FEZ2: variants seen among roughly 807,000 people sequenced by gnomAD.
FEZ2 encodes fasciculation and elongation protein zeta-2.
Under a neutral mutation model 40.4 loss-of-function variants are expected in FEZ2, and 51 were observed. That is an observed-to-expected ratio of 1.26 (90% CI 1.01 to 1.59). The LOEUF is 1.59. FEZ2 is among the 40% of genes most tolerant of loss of function. FEZ2 has a pLI of 0.00. For synonymous variants in FEZ2, 242 were observed against 172.0 expected (o/e 1.41, Z -3.18); for missense variants, 640 against 438.3 (o/e 1.46, Z -4.11).
At chr2:36,554,139 G>T (rs1374836566) in intron 7 of FEZ2, 1 of 453,092 alleles carries the variant, frequency 2.2e-6, no homozygotes, top group East Asian at 7.1e-5. Flanking sequence ...CTCATCAGAA[G>T]CAGGTACAGT....
chr2:36,552,449 A>G lies in FEZ2; in HGVS notation c.*714T>C, dbSNP rs1667837421. ...CAGTGTACACTTTCTCAAGCACCTC[A>G]GAGGACACACACTTAAAGTACAATT... is the stretch of plus-strand genomic sequence containing the variant. On this transcript the variant is annotated 3_prime_UTR_variant, in exon 8 of 8. Transcript: ENST00000405912. 1 of 310,348 alleles carries G rather than the reference A, an allele frequency of 3.2e-6. No individual in the cohort carries two copies. The highest frequency in any genetic ancestry group is 6.1e-6 in the Non-Finnish European group (1 of 163,204). The allele number at this position is 310,348 out of a possible 1,614,324, so 19.2% of individuals were successfully genotyped here. A position where few individuals can be genotyped will look rare whatever the true frequency, so the allele number is the denominator to read the frequency against.
chr2:36,566,721 T>C (rs1241151920), intron 5 of FEZ2, among the ~76,000 whole-genome samples: 6 of 152,218 alleles, frequency 3.9e-5, no homozygotes, highest in Non-Finnish European at 5.9e-5. Context: ...AGAAAAGTGC[T>C]GAATTAGAAA....
At chr2:36,571,477 T>C (rs944453892) in intron 5 of FEZ2, among the ~76,000 whole-genome samples, 4 of 147,772 alleles carry the variant, frequency 2.7e-5, no homozygotes, top group Non-Finnish European at 1.5e-5. Flanking sequence ...CCTGGCCAAC[T>C]TGGTGAAACC....
chr2:36,586,112 G>A (rs780264675), intron 2 of FEZ2, among the ~76,000 whole-genome samples: 5 of 152,096 alleles, frequency 3.3e-5, no homozygotes, highest in Non-Finnish European at 7.4e-5. Context: ...GGCTCTTGAT[G>A]AGAGGGGATG....
At chr2:36,559,588 G>A (rs940047986) in intron 5 of FEZ2, among the ~76,000 whole-genome samples, 1 of 152,214 alleles carries the variant, frequency 6.6e-6, no homozygotes, top group African/African-American at 2.4e-5. Flanking sequence ...TCTTTTTGAC[G>A]TAGACTTCTT....
intron 4 of FEZ2, 31 bp from the exon 5 acceptor site, chr2:36,578,896 T>G (rs1668655768): frequency 2.5e-6 from 4 of 1,581,132 alleles, no homozygotes; most frequent in Admixed American, 1.9e-5. Flanking sequence ...CAGCAGATAT[T>G]AAGACAAAAA....
intron 1 of FEZ2, chr2:36,594,608 CT>C (rs1487097281): frequency 6.5e-6 from 1 of 153,468 alleles, no homozygotes; most frequent in African/African-American, 2.4e-5. Context: ...TTACCTCCCC[CT>C]GGATCCCTCC....
intron 6 of FEZ2, chr2:36,558,120 T>C (rs1293722511): frequency 5.6e-6 from 1 of 178,222 alleles, no homozygotes; most frequent in Non-Finnish European, 1.2e-5. Flanking sequence ...CATAAGGAAT[T>C]TTATTTATGA....
At chr2:36,595,450 C>A (rs1669188390) in intron 1 of FEZ2, among the ~76,000 whole-genome samples, 1 of 152,086 alleles carries the variant, frequency 6.6e-6, no homozygotes, top group Non-Finnish European at 1.5e-5. Context: ...GGTTCACGCT[C>A]CTATGAGAAT....
At chr2:36,555,478 G>C (rs1667933734) in intron 7 of FEZ2, 2 of 375,912 alleles carry the variant, frequency 5.3e-6, no homozygotes, top group Non-Finnish European at 9.6e-6. Context: ...TTCCAACCCA[G>C]AACCTCCAAT....
chr2:36,559,557 G>C (rs778826507), intron 5 of FEZ2, among the ~76,000 whole-genome samples: 1 of 152,228 alleles, frequency 6.6e-6, no homozygotes, highest in Admixed American at 6.5e-5. Flanking sequence ...CAATCTCTGA[G>C]ACACGTTAAG....
chr2:36,560,248 C>T (rs1053511250), intron 5 of FEZ2, among the ~76,000 whole-genome samples: 3 of 152,136 alleles, frequency 2.0e-5, no homozygotes, highest in Non-Finnish European at 4.4e-5. Context: ...TAAATAATGT[C>T]GCATGCCTCG....
intron 2 of FEZ2, among the ~76,000 whole-genome samples, chr2:36,587,759 CCA>C (rs2125240014): frequency 6.6e-6 from 1 of 151,902 alleles, no homozygotes; most frequent in Non-Finnish European, 1.5e-5. Context: ...GAACAGAGCA[CCA>C]GGTGGCAATG....
Position 36,553,137 on chromosome 2 carries a change from A to G in FEZ2, c.*26T>C. On this transcript the variant is annotated 3_prime_UTR_variant, in exon 8 of 8. Transcript: ENST00000405912. ...TAATGCTGTCGGAAATCTAGCTTGG[A>G]GCCCACCGCAGATAAAGTTGCTGCT... 1 of 1,560,912 alleles carries G rather than the reference A, an allele frequency of 6.4e-7. No individual in the cohort carries two copies. Among genetic ancestry groups the G allele is most frequent in the South Asian group, 1.2e-5 (1 of 84,682 alleles).
At chr2:36,567,693 C>T (rs564048876) in intron 5 of FEZ2, among the ~76,000 whole-genome samples, 27 of 150,738 alleles carry the variant, frequency 1.8e-4, no homozygotes, top group African/African-American at 5.4e-4. Context: ...ACCCGGGAGG[C>T]GGAGGTTGCA....
chr2:36,553,138 G>T lies in FEZ2; in HGVS notation c.*25C>A. The T allele has an allele frequency of 1.3e-6, 2 of 1,560,942 alleles. No homozygotes were observed. Among genetic ancestry groups the T allele is most frequent in the South Asian group, 1.2e-5 (1 of 84,720 alleles). ...AATGCTGTCGGAAATCTAGCTTGGA[G>T]CCCACCGCAGATAAAGTTGCTGCTC... On this transcript the variant is annotated 3_prime_UTR_variant, in exon 8 of 8. Coordinates refer to ENST00000405912, the MANE Select transcript of FEZ2 (RefSeq NM_005102.3).
chr2:36,560,419 G>A (rs1274613573), intron 5 of FEZ2, among the ~76,000 whole-genome samples: 3 of 152,088 alleles, frequency 2.0e-5, no homozygotes, highest in African/African-American at 2.4e-5. Context: ...GACATCTTGC[G>A]ACTTAGACTT....
chr2:36,564,994 C>A (rs1668197115), intron 5 of FEZ2, among the ~76,000 whole-genome samples: 1 of 152,204 alleles, frequency 6.6e-6, no homozygotes, highest in African/African-American at 2.4e-5. Flanking sequence ...ATTTGCTGGA[C>A]TTGAAGCTAG....
chr2:36,557,036 A>G (rs1667976245), intron 6 of FEZ2: 1 of 152,238 alleles, frequency 6.6e-6, no homozygotes, highest in African/African-American at 2.4e-5. Context: ...TGATCTGAGA[A>G]GCTGAGGCCT....
Sources: gnomAD v4.1 joint callset for allele counts (sites outside exome capture counted in the v4.1 genomes callset) on GRCh38, gnomAD v4.1.1 for gene constraint, MANE v1.5 for transcripts, NCBI Gene and HGNC (gene_info 2026-07-23, HGNC 2026-07-21) for gene names.